The following ANKRD2 variants were observed in gnomAD, a reference collection of about 807,000 sequenced individuals.
ANKRD2 encodes the protein ankyrin repeat domain-containing protein 2.
A neutral mutation model predicts 37.3 loss-of-function variants in ANKRD2; 35 were observed. That is an observed-to-expected ratio of 0.94 (90% CI 0.72 to 1.24). The LOEUF is 1.24. Among genes scored for constraint, ANKRD2 ranks in the 50% most tolerant of loss-of-function variants. The pLI is 0.00. For missense variants in ANKRD2, 410 were observed against 445.6 expected, an observed-to-expected ratio of 0.92 and a Z score of 0.72; for synonymous variants, 159 against 186.5, an observed-to-expected ratio of 0.85 and a Z score of 1.20.
Position 97,582,324 on chromosome 10 carries a change from A to T in ANKRD2, c.664A>T (p.Thr222Ser), listed in dbSNP as rs1245732378. The stretch of plus-strand genomic sequence containing the variant: ...GATTCCTCCCACCCAGCTGCTGAGC[A>T]CCCCGCTGCACGTGGCAGTCCGGAC... ...DTNVRDKLLS[T>S]PLHVAVRTGQ... Residue 222 changes from threonine (T) to serine (S), a missense_variant, in exon 7 of 9, where the codon ACC (threonine) becomes TCC (serine). Coordinates refer to ENST00000370655, the MANE Select transcript of ANKRD2 (RefSeq NM_001346793.2). 1.3e-6 allele frequency: 2 copies of T among 1,555,004 alleles called. No individual in the cohort carries two copies. Among genetic ancestry groups the T allele is most frequent in the Non-Finnish European group, 1.7e-6 (2 of 1,148,842 alleles).
At chr10:97,579,961 T>C (rs2040876495) in intron 4 of ANKRD2, among the ~76,000 whole-genome samples, 1 of 152,222 alleles carries the variant, frequency 6.6e-6, no homozygotes, top group Non-Finnish European at 1.5e-5. Context: ...TGCCTGAAAC[T>C]GCCTCTTTCA....
At chr10:97,573,305 G>T (rs1177136711) in intron 1 of ANKRD2, among the ~76,000 whole-genome samples, 2 of 152,192 alleles carry the variant, frequency 1.3e-5, no homozygotes, top group Non-Finnish European at 2.9e-5. Flanking sequence ...GGGAAATGAA[G>T]CATGGATTTT....
intron 4 of ANKRD2, among the ~76,000 whole-genome samples, chr10:97,580,275 G>A (rs1243000283): frequency 6.6e-6 from 1 of 152,226 alleles, no homozygotes; most frequent in African/African-American, 2.4e-5. Context: ...TGTGTGTCCT[G>A]TAACCAGATC....
upstream of ANKRD2, chr10:97,572,660 G>A (rs776219303): frequency 6.4e-7 from 1 of 1,562,536 alleles, no homozygotes; most frequent in South Asian, 1.2e-5. Flanking sequence ...TGCCCGAGGT[G>A]AAGGTGACAG....
intron 3 of ANKRD2, 37 bp from the exon 4 acceptor site, chr10:97,578,461 C>T: frequency 1.2e-6 from 2 of 1,601,040 alleles, no homozygotes; most frequent in Non-Finnish European, 1.7e-6. Context: ...CTTCGGATTG[C>T]TGGGACGGCC....
chr10:97,578,696 T>A (rs1246537265), intron 4 of ANKRD2, 91 bp downstream of exon 4: 1 of 1,009,622 alleles, frequency 9.9e-7, no homozygotes, highest in Non-Finnish European at 1.5e-6. Flanking sequence ...TGAGCCTATT[T>A]GAGAGGAGGC....
chr10:97,572,626 C>T (rs1357930173), upstream of ANKRD2: 24 of 1,485,498 alleles, frequency 1.6e-5, no homozygotes, highest in South Asian at 2.6e-5. Flanking sequence ...CTCCCTGGCC[C>T]TGGCTCCCCC....
upstream of ANKRD2, chr10:97,572,648 G>C: frequency 6.5e-7 from 1 of 1,536,418 alleles, no homozygotes; most frequent in East Asian, 2.4e-5. Flanking sequence ...GCTCCCTGGG[G>C]CTGCCCGAGG....
intron 1 of ANKRD2, among the ~76,000 whole-genome samples, chr10:97,575,910 CAA>C (rs5787245): frequency 1.9e-3 from 256 of 136,122 alleles, no homozygotes; most frequent in Admixed American, 2.5e-3. Context: ...GACTCGGTCT[CAA>C]AAAAAAAAAA....
Position 97,573,722 on chromosome 10 carries a change from C to G in ANKRD2, c.87+847C>G, listed in dbSNP as rs557334271. Among the ~76,000 whole-genome samples, 25 of 152,252 alleles carry G rather than the reference C, an allele frequency of 1.6e-4. No individual in the cohort carries two copies. The East Asian group carries it at 4.3e-3, about 26-fold the overall frequency. On this transcript the variant is annotated intron_variant, in intron 1 of 8. Coordinates refer to ENST00000370655, the MANE Select transcript of ANKRD2 (RefSeq NM_001346793.2). ...GATTACAGGTATGAGCCACCATGCC[C>G]GGCCCCTACTCTTCACTTTATTTAA... is the stretch of plus-strand genomic sequence containing the variant.
intron 1 of ANKRD2, 98 bp downstream of exon 1, chr10:97,572,973 G>A: frequency 1.4e-6 from 2 of 1,445,086 alleles, no homozygotes; most frequent in Non-Finnish European, 1.9e-6. Flanking sequence ...TGGTGGGGAG[G>A]GGGGCAGATG....
At chr10:97,573,097 G>C (rs547618960) in intron 1 of ANKRD2, among the ~76,000 whole-genome samples, 1 of 152,274 alleles carries the variant, frequency 6.6e-6, no homozygotes, top group South Asian at 2.1e-4. Context: ...GTGAGATGGG[G>C]AGCTGGGCTG....
rs575669845 is a variant in ANKRD2, at chr10:97,582,523, A to G, written c.754-81A>G. ...GGCCTTCAGGACTTGGCTCCTGAGCAGGGTCTCCAGCCCACCTCCCATCAC... is the reference window on the plus strand; with the variant it reads ...GGCCTTCAGGACTTGGCTCCTGAGCGGGGTCTCCAGCCCACCTCCCATCAC... On this transcript the variant is annotated intron_variant, in intron 7 of 8. Coordinates refer to ENST00000370655, the MANE Select transcript of ANKRD2 (RefSeq NM_001346793.2). The G allele has an allele frequency of 2.0e-5, 31 of 1,565,572 alleles. No homozygotes were observed. In the East Asian group the frequency reaches 7.0e-4, roughly 35 times the overall value.
At chr10:97,576,325 C>T (rs1027124478) in intron 1 of ANKRD2, among the ~76,000 whole-genome samples, 9 of 152,276 alleles carry the variant, frequency 5.9e-5, no homozygotes, top group Admixed American at 4.6e-4. Flanking sequence ...ATGGGAGTGC[C>T]AGCACATCAC....
chr10:97,583,767 G>C lies in ANKRD2; in HGVS notation c.*42G>C. ...AGCCAGCTACCCAGCCCCTCTCTGT[G>C]TGCAGCCGGAGGGTCCTAAGAATGG... is the stretch of plus-strand genomic sequence containing the variant. On this transcript the variant is annotated 3_prime_UTR_variant, in exon 9 of 9. Transcript: ENST00000370655. 6.8e-7 allele frequency: 1 copy of C among 1,469,232 alleles called. No individual in the cohort carries two copies. Among genetic ancestry groups the C allele is most frequent in the South Asian group, 1.5e-5 (1 of 68,750 alleles). The allele number at this position is 1,469,232 out of a possible 1,614,324, so 91.0% of individuals were successfully genotyped here. A position where few individuals can be genotyped will look rare whatever the true frequency, so the allele number is the denominator to read the frequency against.
chr10:97,576,284 C>T (rs2040825444), intron 1 of ANKRD2, among the ~76,000 whole-genome samples: 1 of 152,204 alleles, frequency 6.6e-6, no homozygotes, highest in Non-Finnish European at 1.5e-5. Flanking sequence ...GGACTCATAG[C>T]CACACAAGCT....
chr10:97,578,164 CAGCTTAGCTCAGAGGTCT>C, intron 2 of ANKRD2, 58 bp from the exon 3 acceptor site: 14 of 1,387,346 alleles, frequency 1.0e-5, no homozygotes, highest in East Asian at 4.9e-5. Context: ...CCCTCCCCAC[CAGCTTAGCTCAGAGGTCT>C]CCCAAGCCCC....
At chr10:97,574,587 A>G (rs1229919888) in intron 1 of ANKRD2, among the ~76,000 whole-genome samples, 3 of 152,336 alleles carry the variant, frequency 2.0e-5, no homozygotes, top group Non-Finnish European at 4.4e-5. Context: ...AGCAGCTCTG[A>G]TGGCCCTGAG....
intron 6 of ANKRD2, 98 bp downstream of exon 6, chr10:97,581,512 T>C: frequency 8.3e-7 from 1 of 1,199,360 alleles, no homozygotes; most frequent in Non-Finnish European, 1.2e-6. Flanking sequence ...AGGAAGGTAG[T>C]GAGCTAGTCT....
Sources: gnomAD v4.1 joint callset for allele counts (sites outside exome capture counted in the v4.1 genomes callset) on GRCh38, gnomAD v4.1.1 for gene constraint, MANE v1.5 for transcripts, NCBI Gene and HGNC (gene_info 2026-07-23, HGNC 2026-07-21) for gene names.